The following MB21D2 variants were observed in gnomAD, a reference collection of about 807,000 sequenced individuals.
MB21D2 encodes Mab-21 domain containing 2, also known as nucleotidyltransferase MB21D2.
In MB21D2, 9 loss-of-function variants were observed where a neutral mutation model predicts 33.3. That is an observed-to-expected ratio of 0.27 (90% CI 0.16 to 0.47). MB21D2 has a LOEUF of 0.47. Ranked by LOEUF, MB21D2 falls within the 20% of genes least tolerant of loss-of-function variation. The probability of loss-of-function intolerance (pLI) is 0.99; values close to 1 mark genes in which losing one functional copy is unlikely to be tolerated. For missense variants in MB21D2, 540 were observed against 624.6 expected (o/e 0.86, Z 1.44); for synonymous variants, 241 against 236.3 (o/e 1.02, Z -0.18).
At chr3:192,909,846 C>G (rs1047661273) in intron 1 of MB21D2, among the ~76,000 whole-genome samples, 14 of 142,770 alleles carry the variant, frequency 9.8e-5, no homozygotes, top group Admixed American at 3.0e-4. Context: ...GCAGGAGAAT[C>G]ACTGGAACCC....
intron 1 of MB21D2, among the ~76,000 whole-genome samples, chr3:192,835,455 CAA>C (rs34280688): frequency 0.076 from 4,646 of 60,942 alleles, 202 homozygotes; most frequent in African/African-American, 0.25. Context: ...GACTCTGTCT[CAA>C]AAAAAAAAAA....
At chr3:192,800,247 T>C (rs1711527687) in intron 1 of MB21D2, among the ~76,000 whole-genome samples, 1 of 152,118 alleles carries the variant, frequency 6.6e-6, no homozygotes, top group Non-Finnish European at 1.5e-5. Context: ...AACACACTGT[T>C]TGACTTTTTT....
chr3:192,817,093 A>G (rs1711942043), intron 1 of MB21D2, among the ~76,000 whole-genome samples: 1 of 152,236 alleles, frequency 6.6e-6, no homozygotes. Context: ...AAAAATAAAT[A>G]TTCCAATACT....
chr3:192,848,659 G>A (rs144845916), intron 1 of MB21D2, among the ~76,000 whole-genome samples: 26 of 152,322 alleles, frequency 1.7e-4, no homozygotes, highest in East Asian at 9.6e-4. Flanking sequence ...AAACCAACCC[G>A]TCAGAGTTTT....
intron 1 of MB21D2, among the ~76,000 whole-genome samples, chr3:192,851,491 G>GGT (rs775394671): frequency 6.1e-5 from 6 of 97,624 alleles, no homozygotes; most frequent in African/African-American, 1.8e-4. Flanking sequence ...TTTTTTGTCT[G>GGT]TTTTTTTTTT....
At chr3:192,812,479 C>T (rs1259659460) in intron 1 of MB21D2, among the ~76,000 whole-genome samples, 1 of 152,082 alleles carries the variant, frequency 6.6e-6, no homozygotes, top group Non-Finnish European at 1.5e-5. Flanking sequence ...ATGGTGGAGC[C>T]TAATGACAAA....
intron 1 of MB21D2, among the ~76,000 whole-genome samples, chr3:192,885,561 C>A (rs1713714061): frequency 1.3e-5 from 2 of 152,060 alleles, no homozygotes; most frequent in South Asian, 4.1e-4. Flanking sequence ...ATTAAACACA[C>A]AACAGTCCTC....
chr3:192,799,387 T>C lies in MB21D2; in HGVS notation c.475A>G (p.Ser159Gly). 6.2e-7 allele frequency: 1 copy of C among 1,614,242 alleles called. No homozygotes were observed. Among genetic ancestry groups the C allele is most frequent in the Non-Finnish European group, 8.5e-7 (1 of 1,180,050 alleles). ...ATGGTGCAGCAGTCTTTCCATTTAC[T>C]GATTGTCCCCTCATCAAAGAGCCGA... is the stretch of plus-strand genomic sequence containing the variant. ...SLRLFDEGTISKWKDCCTIVD... is the reference protein window; with the variant it reads ...SLRLFDEGTIGKWKDCCTIVD... The change falls in exon 2 of 2, where the codon AGT becomes GGT. Residue 159 changes from serine (S) to glycine (G), a missense_variant. By Grantham distance (56) the Ser-to-Gly change is moderately conservative. Coordinates refer to ENST00000392452, the MANE Select transcript of MB21D2 (RefSeq NM_178496.4). The surrounding 1 kb of genome is among the most constrained non-coding windows in gnomAD (Gnocchi z 4.1).
chr3:192,916,410 G>A (rs1349204631), intron 1 of MB21D2, among the ~76,000 whole-genome samples: 1 of 152,172 alleles, frequency 6.6e-6, no homozygotes, highest in Non-Finnish European at 1.5e-5. Context: ...CAATTAGATT[G>A]CAGGAGAAAG....
chr3:192,867,661 G>A (rs954051786), intron 1 of MB21D2, among the ~76,000 whole-genome samples: 3 of 152,212 alleles, frequency 2.0e-5, no homozygotes, highest in African/African-American at 7.2e-5. Context: ...AAAGATGGCT[G>A]CATGCATATT....
At chr3:192,821,136 T>C (rs1367920860) in intron 1 of MB21D2, among the ~76,000 whole-genome samples, 3 of 152,188 alleles carry the variant, frequency 2.0e-5, no homozygotes, top group Non-Finnish European at 4.4e-5. Flanking sequence ...CTAATGTCAC[T>C]ATCCACCACC....
intron 1 of MB21D2, among the ~76,000 whole-genome samples, chr3:192,849,141 C>CT (rs1712732688): frequency 6.6e-6 from 1 of 152,160 alleles, no homozygotes; most frequent in South Asian, 2.1e-4. Flanking sequence ...CCACGATCCT[C>CT]TGGCCACTGG....
intron 1 of MB21D2, among the ~76,000 whole-genome samples, chr3:192,879,202 A>C (rs1319082513): frequency 6.6e-6 from 1 of 152,220 alleles, no homozygotes; most frequent in Admixed American, 6.5e-5. Context: ...CTAGAAGGAA[A>C]GCTCAAAAAT....
chr3:192,826,576 GGGAAA>G (rs546248452), intron 1 of MB21D2, among the ~76,000 whole-genome samples: 74 of 152,284 alleles, frequency 4.9e-4, no homozygotes, highest in Admixed American at 1.2e-3. Context: ...GATTATAAAA[GGGAAA>G]AATAAATTAA....
chr3:192,915,044 G>A (rs961851103), intron 1 of MB21D2, among the ~76,000 whole-genome samples: 7 of 152,146 alleles, frequency 4.6e-5, no homozygotes, highest in African/African-American at 1.7e-4. Context: ...ATTTTTCTCA[G>A]CTCCACTAAA....
intron 1 of MB21D2, among the ~76,000 whole-genome samples, chr3:192,877,373 C>A (rs79633260): frequency 0.17 from 25,239 of 152,000 alleles, 3,603 homozygotes; most frequent in African/African-American, 0.39. Flanking sequence ...GTTGAACTTC[C>A]AAATAATAAA....
At position 192,917,634 on chromosome 3, in the gene MB21D2, C is replaced by A. The variant is rs761054079; in HGVS notation, c.207G>T (p.Met69Ile). The change falls in exon 1 of 2, where the codon ATG becomes ATT. Residue 69 changes from methionine (M) to isoleucine (I), a missense_variant. Met to Ile is a conservative substitution (Grantham distance 10). Transcript: ENST00000392452. ...IHTAKDFIFSMLGMVQKLDQK... is the reference protein window; with the variant it reads ...IHTAKDFIFSILGMVQKLDQK... Reference sequence around the variant, plus strand: ...CTCCCCCTTTTTCCTCCTTACCCAGCATGGAAAAGATGAAATCCTTGGCTG... The same window carrying A: ...CTCCCCCTTTTTCCTCCTTACCCAGAATGGAAAAGATGAAATCCTTGGCTG... The A allele has an allele frequency of 6.2e-7, 1 of 1,614,096 alleles. No homozygotes were observed. Among genetic ancestry groups the A allele is most frequent in the Non-Finnish European group, 8.5e-7 (1 of 1,180,000 alleles).
intron 1 of MB21D2, among the ~76,000 whole-genome samples, chr3:192,831,423 T>C (rs1373417391): frequency 6.6e-6 from 1 of 152,236 alleles, no homozygotes; most frequent in Non-Finnish European, 1.5e-5. Context: ...ATGCTTAATG[T>C]TGTTTTAAGC....
At chr3:192,871,718 G>A (rs561142344) in intron 1 of MB21D2, among the ~76,000 whole-genome samples, 1 of 152,292 alleles carries the variant, frequency 6.6e-6, no homozygotes, top group Non-Finnish European at 1.5e-5. Context: ...GGGCTGTGGA[G>A]GTGGGGAGAA....
Sources: allele counts gnomAD v4.1 joint callset (sites outside exome capture counted in the v4.1 genomes callset), GRCh38; gene constraint gnomAD v4.1.1; non-coding constraint Gnocchi (gnomAD v3.1); transcripts MANE v1.5; gene names NCBI Gene and HGNC (gene_info 2026-07-23, HGNC 2026-07-21).